The following DLG2 variants were observed in gnomAD, a reference collection of about 807,000 sequenced individuals.
DLG2 encodes the protein discs large MAGUK scaffold protein 2, also known as disks large homolog 2.
Under a neutral mutation model 132.5 loss-of-function variants are expected in DLG2, and 45 were observed. That is an observed-to-expected ratio of 0.34 (90% CI 0.27 to 0.44). The LOEUF (loss-of-function observed/expected upper bound fraction) is 0.44, where lower values mean the gene tolerates loss of function less well. Among genes scored for constraint, DLG2 ranks in the 20% least tolerant of loss-of-function variants. DLG2 has a pLI of 1.00. For synonymous variants in DLG2, 424 were observed against 419.6 expected (o/e 1.01, Z -0.13); for missense variants, 1,045 against 1,196.9 (o/e 0.87, Z 1.87).
At chr11:83,658,028 C>T (rs2073196670) in intron 18 of DLG2, among the ~76,000 whole-genome samples, 1 of 152,144 alleles carries the variant, frequency 6.6e-6, no homozygotes, top group Non-Finnish European at 1.5e-5. Flanking sequence ...AATAGCCAAA[C>T]CAGTCTTGGC....
intron 7 of DLG2, among the ~76,000 whole-genome samples, chr11:84,312,197 C>T (rs1438646992): frequency 4.6e-5 from 7 of 152,094 alleles, no homozygotes; most frequent in East Asian, 1.9e-4. Context: ...CTTGGCTGGG[C>T]GCAGTGGCTC....
chr11:85,214,064 C>T (rs775463906), intron 4 of DLG2, among the ~76,000 whole-genome samples: 4 of 152,118 alleles, frequency 2.6e-5, no homozygotes, highest in African/African-American at 9.7e-5. Context: ...TCCAGGGCTC[C>T]GCTAAACTTC....
chr11:83,485,854 G>GGTAA (rs1331514729), intron 21 of DLG2, among the ~76,000 whole-genome samples: 1 of 152,032 alleles, frequency 6.6e-6, no homozygotes, highest in African/African-American at 2.4e-5. Context: ...GCTGTCACTC[G>GGTAA]GTAAGTAATT....
At chr11:83,951,879 G>T (rs2085529667) in intron 14 of DLG2, among the ~76,000 whole-genome samples, 1 of 152,148 alleles carries the variant, frequency 6.6e-6, no homozygotes, top group Non-Finnish European at 1.5e-5. Flanking sequence ...GATATGAATT[G>T]ACTAGTGTGC....
intron 21 of DLG2, among the ~76,000 whole-genome samples, chr11:83,517,921 G>A (rs1042006406): frequency 2.6e-5 from 4 of 152,212 alleles, no homozygotes; most frequent in Non-Finnish European, 5.9e-5. Flanking sequence ...TGAGGTGTCA[G>A]TCTGCCCTTA....
At chr11:84,035,171 C>T (rs957069219) in intron 11 of DLG2, among the ~76,000 whole-genome samples, 1 of 152,136 alleles carries the variant, frequency 6.6e-6, no homozygotes, top group African/African-American at 2.4e-5. Flanking sequence ...GTAACACCTA[C>T]TCTCCCTACC....
intron 7 of DLG2, among the ~76,000 whole-genome samples, chr11:84,335,935 A>G (rs1291939781): frequency 6.6e-6 from 1 of 152,208 alleles, no homozygotes; most frequent in East Asian, 1.9e-4. Flanking sequence ...GGATTAAGAA[A>G]TTTAATCACC....
At chr11:84,640,113 A>G (rs1260571362) in intron 6 of DLG2, 7 of 312,392 alleles carry the variant, frequency 2.2e-5, no homozygotes, top group Admixed American at 3.8e-5. Flanking sequence ...CTTCTGTCAT[A>G]TCAATGTAGA....
intron 6 of DLG2, among the ~76,000 whole-genome samples, chr11:85,034,166 C>T (rs148457540): frequency 0.011 from 1,684 of 151,882 alleles, 29 homozygotes; most frequent in African/African-American, 0.037. Flanking sequence ...CAAGCTCCAC[C>T]TCCCAGGTTC....
chr11:84,676,005 A>C (rs2099710842), intron 6 of DLG2, among the ~76,000 whole-genome samples: 2 of 152,034 alleles, frequency 1.3e-5, no homozygotes, highest in Admixed American at 1.3e-4. Context: ...TACATAGCAG[A>C]AAGGCAGTAG....
intron 7 of DLG2, among the ~76,000 whole-genome samples, chr11:84,531,785 G>A (rs1370865588): frequency 6.6e-6 from 1 of 152,154 alleles, no homozygotes; most frequent in Non-Finnish European, 1.5e-5. Context: ...TAAAAGGCTA[G>A]GAAATTAGTT....
At chr11:85,432,485 A>G (rs1029420688) in intron 3 of DLG2, among the ~76,000 whole-genome samples, 8 of 152,150 alleles carry the variant, frequency 5.3e-5, no homozygotes, top group Non-Finnish European at 1.0e-4. Flanking sequence ...TTAGAGAGAA[A>G]CATAAATGAC....
At chr11:84,232,250 A>G (rs1598000400) in intron 8 of DLG2, among the ~76,000 whole-genome samples, 1 of 152,108 alleles carries the variant, frequency 6.6e-6, no homozygotes, top group South Asian at 2.1e-4. Context: ...CATTTTTTTC[A>G]GAGCGCTTAC....
At chr11:85,589,545 C>T (rs1186212090) in intron 3 of DLG2, among the ~76,000 whole-genome samples, 1 of 152,094 alleles carries the variant, frequency 6.6e-6, no homozygotes, top group African/African-American at 2.4e-5. Flanking sequence ...GCTGCAGCCA[C>T]TGTGGGGGTG....
At chr11:84,686,892 A>T (rs1433104800) in intron 6 of DLG2, 3 of 151,702 alleles carry the variant, frequency 2.0e-5, no homozygotes, top group African/African-American at 7.3e-5. Flanking sequence ...CTTGGCTCCT[A>T]CTCTGCTGAA....
chr11:83,945,044 C>T (rs560381724), intron 14 of DLG2, among the ~76,000 whole-genome samples: 1 of 152,290 alleles, frequency 6.6e-6, no homozygotes, highest in East Asian at 1.9e-4. Flanking sequence ...ATTTCTCAGT[C>T]ACTATATGGT....
At chr11:85,532,857 A>T (rs1373170914) in intron 3 of DLG2, among the ~76,000 whole-genome samples, 1 of 152,172 alleles carries the variant, frequency 6.6e-6, no homozygotes, top group African/African-American at 2.4e-5. Flanking sequence ...TATTTTTTTT[A>T]ATGTCCCACA....
chr11:83,471,752 AG>A, intron 23 of DLG2, 25 bp from the exon 24 acceptor site: 1 of 1,593,482 alleles, frequency 6.3e-7, no homozygotes, highest in Non-Finnish European at 8.6e-7. Context: ...AGGAAGATGT[AG>A]GTAAAGAGAA....
At chr11:83,834,684 A>G (rs2055618816) in intron 16 of DLG2, among the ~76,000 whole-genome samples, 1 of 152,216 alleles carries the variant, frequency 6.6e-6, no homozygotes, top group Non-Finnish European at 1.5e-5. Context: ...ATAAATACAT[A>G]TTTGAGGATC....
Sources: gnomAD v4.1 joint callset for allele counts (sites outside exome capture counted in the v4.1 genomes callset) on GRCh38, gnomAD v4.1.1 for gene constraint, MANE v1.5 for transcripts, NCBI Gene and HGNC (gene_info 2026-07-23, HGNC 2026-07-21) for gene names.